SAMD3: variants seen among roughly 807,000 people sequenced by gnomAD.
SAMD3 encodes the protein sterile alpha motif domain-containing protein 3.
Under a neutral mutation model 58.5 loss-of-function variants are expected in SAMD3, and 63 were observed. The observed-to-expected ratio is 1.08, with a 90% CI of 0.88 to 1.33. The LOEUF (loss-of-function observed/expected upper bound fraction) is 1.33. SAMD3 is among the 40% of genes most tolerant of loss of function. SAMD3 has a pLI of 0.00. For synonymous variants in SAMD3, 220 were observed against 210.3 expected, an observed-to-expected ratio of 1.05 and a Z score of -0.40; for missense variants, 604 against 608.4, an observed-to-expected ratio of 0.99 and a Z score of 0.08.
At chr6:130,261,421 C>T (rs1217447288) in intron 2 of SAMD3, among the ~76,000 whole-genome samples, 1 of 152,172 alleles carries the variant, frequency 6.6e-6, no homozygotes, top group Non-Finnish European at 1.5e-5. Flanking sequence ...GCCTGATCAC[C>T]CACGGTGTGC....
intron 2 of SAMD3, among the ~76,000 whole-genome samples, chr6:130,311,325 A>G (rs1304679146): frequency 1.3e-5 from 2 of 152,216 alleles, no homozygotes; most frequent in African/African-American, 4.8e-5. Context: ...AGAGACGAGG[A>G]CATAGGGGCT....
intron 8 of SAMD3, among the ~76,000 whole-genome samples, chr6:130,166,902 T>C (rs1790780566): frequency 6.6e-6 from 1 of 152,226 alleles, no homozygotes; most frequent in African/African-American, 2.4e-5. Flanking sequence ...TACAGGGATC[T>C]GCACTGGTGT....
intron 2 of SAMD3, among the ~76,000 whole-genome samples, chr6:130,243,133 G>A (rs954860729): frequency 2.0e-5 from 3 of 152,136 alleles, no homozygotes; most frequent in East Asian, 3.8e-4. Flanking sequence ...CATGTGAAAG[G>A]GCACATGACC....
intron 8 of SAMD3, among the ~76,000 whole-genome samples, chr6:130,156,731 G>GGAGGCT (rs892149490): frequency 6.6e-6 from 1 of 152,136 alleles, no homozygotes; most frequent in African/African-American, 2.4e-5. Context: ...CAATACTTTG[G>GGAGGCT]GAGGCTGAGG....
chr6:130,359,357 T>C (rs1777922401), intron 1 of SAMD3, among the ~76,000 whole-genome samples: 1 of 152,218 alleles, frequency 6.6e-6, no homozygotes, highest in Admixed American at 6.5e-5. Context: ...ATTTCTCCTA[T>C]GCCTTCCCAC....
intron 2 of SAMD3, among the ~76,000 whole-genome samples, chr6:130,275,158 C>A (rs963800852): frequency 2.6e-5 from 4 of 152,028 alleles, no homozygotes; most frequent in Non-Finnish European, 4.4e-5. Flanking sequence ...TCTTTGATTC[C>A]TTGTGGTGTC....
chr6:130,166,504 A>G (rs1790747776), intron 8 of SAMD3, among the ~76,000 whole-genome samples: 1 of 152,242 alleles, frequency 6.6e-6, no homozygotes, highest in Non-Finnish European at 1.5e-5. Flanking sequence ...TAAGTTCCCA[A>G]ATAGACTTGG....
chr6:130,349,480 G>A (rs1337995199), intron 1 of SAMD3, among the ~76,000 whole-genome samples: 1 of 152,206 alleles, frequency 6.6e-6, no homozygotes, highest in African/African-American at 2.4e-5. Flanking sequence ...CAATCTAGAA[G>A]AAATGGATAA....
At chr6:130,162,678 CT>C (rs1169830381) in intron 8 of SAMD3, among the ~76,000 whole-genome samples, 5 of 152,056 alleles carry the variant, frequency 3.3e-5, no homozygotes, top group African/African-American at 1.2e-4. Flanking sequence ...GAAAAATCTA[CT>C]TTAAAGGCAC....
intron 2 of SAMD3, among the ~76,000 whole-genome samples, chr6:130,260,410 G>A (rs949849452): frequency 6.6e-6 from 1 of 152,154 alleles, no homozygotes; most frequent in Non-Finnish European, 1.5e-5. Flanking sequence ...CCCCTGTCAC[G>A]TACCTCTTGC....
downstream of SAMD3, chr6:130,143,266 GAC>G (rs1427405107): frequency 6.6e-6 from 1 of 152,158 alleles, no homozygotes; most frequent in African/African-American, 2.4e-5. Context: ...TGTTTGTTGA[GAC>G]ACAGTCTCAT....
intron 8 of SAMD3, among the ~76,000 whole-genome samples, chr6:130,157,114 A>AATAT (rs1163130887): frequency 1.7e-4 from 25 of 149,858 alleles, no homozygotes; most frequent in Non-Finnish European, 2.7e-4. Context: ...TAAATAAATA[A>AATAT]ATAATAAAAT....
intron 5 of SAMD3, among the ~76,000 whole-genome samples, chr6:130,205,228 A>G (rs1794982383): frequency 6.6e-6 from 1 of 151,342 alleles, no homozygotes; most frequent in African/African-American, 2.4e-5. Flanking sequence ...TCAAACATTT[A>G]TCCCTTCCTA....
chr6:130,350,028 A>T (rs1486959775), intron 1 of SAMD3, among the ~76,000 whole-genome samples: 1 of 152,242 alleles, frequency 6.6e-6, no homozygotes, highest in Non-Finnish European at 1.5e-5. Flanking sequence ...ACAGCCCTTC[A>T]TACTAAAAAC....
At chr6:130,177,654 C>G (rs1791854070) in intron 7 of SAMD3, among the ~76,000 whole-genome samples, 1 of 152,176 alleles carries the variant, frequency 6.6e-6, no homozygotes, top group South Asian at 2.1e-4. Context: ...CAGTGGTAAT[C>G]TACCCTCATC....
chr6:130,266,854 G>A (rs1384243511), intron 2 of SAMD3, among the ~76,000 whole-genome samples: 2 of 152,166 alleles, frequency 1.3e-5, no homozygotes, highest in East Asian at 3.9e-4. Flanking sequence ...ATGATGAATG[G>A]CCTCCTGAGA....
At chr6:130,313,283 T>G (rs191160133) in intron 1 of SAMD3, among the ~76,000 whole-genome samples, 20 of 152,312 alleles carry the variant, frequency 1.3e-4, no homozygotes, top group African/African-American at 3.8e-4. Flanking sequence ...CTGGGTAATT[T>G]GTTGTGTGGC....
intron 2 of SAMD3, among the ~76,000 whole-genome samples, chr6:130,255,723 A>G (rs1773903540): frequency 6.6e-6 from 1 of 151,962 alleles, no homozygotes; most frequent in Non-Finnish European, 1.5e-5. Context: ...TGAACTCCTG[A>G]ACTCAAGCGA....
intron 5 of SAMD3, among the ~76,000 whole-genome samples, chr6:130,188,915 T>G (rs1793256444): frequency 1.3e-5 from 2 of 152,100 alleles, no homozygotes; most frequent in South Asian, 4.1e-4. Context: ...TCTGTATTGA[T>G]TTTTGCTTTC....
Sources: gnomAD v4.1 joint callset for allele counts (sites outside exome capture counted in the v4.1 genomes callset) on GRCh38, gnomAD v4.1.1 for gene constraint, MANE v1.5 for transcripts, NCBI Gene and HGNC (gene_info 2026-07-23, HGNC 2026-07-21) for gene names.